The following RASA1 variants were observed in gnomAD, a reference collection of about 807,000 sequenced individuals.
RASA1 encodes RAS p21 protein activator 1, also known as ras GTPase-activating protein 1.
Under a neutral mutation model 132.2 loss-of-function variants are expected in RASA1, and 25 were observed. The ratio of observed to expected loss-of-function variants is 0.19; its 90% CI spans 0.14 to 0.26. The LOEUF (loss-of-function observed/expected upper bound fraction) is 0.26. Among genes scored for constraint, RASA1 ranks in the 10% least tolerant of loss-of-function variants. The pLI, the probability that RASA1 is intolerant of heterozygous loss-of-function variation, is 1.00. For synonymous variants in RASA1, 477 were observed against 449.9 expected, an observed-to-expected ratio of 1.06 and a Z score of -0.76; for missense variants, 964 against 1,299.2, an observed-to-expected ratio of 0.74 and a Z score of 3.97.
At chr5:87,356,383 A>AGTTTTTTTT (rs1554047341) in intron 9 of RASA1, among the ~76,000 whole-genome samples, 1 of 141,722 alleles carries the variant, frequency 7.1e-6, no homozygotes, top group Non-Finnish European at 1.6e-5. Flanking sequence ...GATGATTGTT[A>AGTTTTTTTT]TTTTTTTTTT....
chr5:87,314,070 G>C (rs1756129209), intron 1 of RASA1, among the ~76,000 whole-genome samples: 1 of 152,228 alleles, frequency 6.6e-6, no homozygotes, highest in African/African-American at 2.4e-5. Context: ...TCGGGAGGCT[G>C]AGGCAGGCAG....
intron 23 of RASA1, among the ~76,000 whole-genome samples, chr5:87,388,432 A>G (rs988009054): frequency 2.6e-5 from 4 of 152,188 alleles, no homozygotes; most frequent in African/African-American, 7.2e-5. Flanking sequence ...CTGAAATGCT[A>G]AAAAATCCAA....
rs566991753 is a variant in RASA1, at chr5:87,350,040, A to G, written c.1253+676A>G. Among the ~76,000 whole-genome samples, 8 of 151,992 alleles carry G rather than the reference A, an allele frequency of 5.3e-5. No individual in the cohort carries two copies. The South Asian group carries it at 1.7e-3, about 31-fold the overall frequency. ...TCAGAGGCTGGCATAATCTTGTTCTAAAATGCTTATATTTGCCTAGTTTAA... is the reference window on the plus strand; with the variant it reads ...TCAGAGGCTGGCATAATCTTGTTCTGAAATGCTTATATTTGCCTAGTTTAA... On this transcript the variant is annotated intron_variant, in intron 8 of 24. Coordinates refer to ENST00000274376, the MANE Select transcript of RASA1 (RefSeq NM_002890.3).
intron 24 of RASA1, among the ~76,000 whole-genome samples, chr5:87,389,941 T>C (rs1412369685): frequency 6.6e-6 from 1 of 152,226 alleles, no homozygotes; most frequent in East Asian, 1.9e-4. Context: ...TTTGGGATGT[T>C]TGTCAAATTT....
intron 9 of RASA1, among the ~76,000 whole-genome samples, chr5:87,361,964 T>G (rs1180706280): frequency 1.3e-5 from 2 of 151,898 alleles, no homozygotes; most frequent in African/African-American, 4.8e-5. Context: ...TGTTGCAGAG[T>G]GGCAGAGGAG....
In RASA1 at chr5:87,331,488, T is replaced by C. The variant is rs745790570; in HGVS notation, c.680T>C (p.Val227Ala). ...TCATTTCTTAGCCAGATGAATGTTG[T>C]CAACCATTTTAGGTAAGTCTTTATT... Reference protein sequence around the residue: ...VLSFLSQMNVVNHFRIIAMCG... With the variant: ...VLSFLSQMNVANHFRIIAMCG... Residue 227 changes from valine (V) to alanine (A), a missense_variant, in exon 2 of 25, where the codon GTC (valine) becomes GCC (alanine). This residue lies in a region of RASA1 where 154 missense variants were observed against 286.5 expected (regional missense o/e 0.54). Transcript: ENST00000274376. The C allele has an allele frequency of 3.1e-6, 5 of 1,613,834 alleles. No individual in the cohort carries two copies. The highest frequency in any genetic ancestry group is 3.4e-6 in the Non-Finnish European group (4 of 1,179,798).
At chr5:87,329,116 T>C (rs1049653968) in intron 1 of RASA1, among the ~76,000 whole-genome samples, 2 of 152,104 alleles carry the variant, frequency 1.3e-5, no homozygotes, top group East Asian at 1.9e-4. Flanking sequence ...AACTGACTTA[T>C]CCATTTTAAT....
At chr5:87,278,909 C>CTTTTTT (rs58122450) in intron 1 of RASA1, among the ~76,000 whole-genome samples, 5 of 83,990 alleles carry the variant, frequency 6.0e-5, no homozygotes, top group Non-Finnish European at 1.1e-4. Context: ...CTAATTTGTT[C>CTTTTTT]TTTTTTTTTT....
intron 2 of RASA1, among the ~76,000 whole-genome samples, 157 bp from the exon 3 acceptor site, chr5:87,332,350 C>T (rs1276586574): frequency 6.6e-6 from 1 of 151,922 alleles, no homozygotes; most frequent in Middle Eastern, 3.2e-3. Flanking sequence ...AAGTAATTTA[C>T]TGTGATGAAG....
rs754875609 is a variant in RASA1 at position 87,391,683 on chromosome 5, TTA to T, written c.*802_*803del. The T allele has an allele frequency of 1.5e-4, 34 of 233,012 alleles. No individual in the cohort carries two copies. Among genetic ancestry groups the T allele is most frequent in the Non-Finnish European group, 2.5e-4 (30 of 117,766 alleles). The allele number at this position is 233,012 out of a possible 1,614,324, so 14.4% of individuals were successfully genotyped here. On this transcript the variant is annotated 3_prime_UTR_variant, in exon 25 of 25. Coordinates refer to ENST00000274376, the MANE Select transcript of RASA1 (RefSeq NM_002890.3). ...CCATTTTATAGACTACCAATTTCTT[TTA>T]TGTTAACTAGAATGCTTTTGTTAAA...
chr5:87,354,894 T>G (rs1759538043), intron 9 of RASA1, among the ~76,000 whole-genome samples: 1 of 152,152 alleles, frequency 6.6e-6, no homozygotes, highest in African/African-American at 2.4e-5. Flanking sequence ...GATTGAAGAT[T>G]AAACCAGGGA....
intron 9 of RASA1, among the ~76,000 whole-genome samples, chr5:87,358,223 T>C (rs551689051): frequency 6.6e-6 from 1 of 152,268 alleles, no homozygotes; most frequent in South Asian, 2.1e-4. Flanking sequence ...GTTAACACTT[T>C]TTGAGGCAAG....
chr5:87,333,452 A>T, intron 4 of RASA1, 115 bp downstream of exon 4: 1 of 1,483,318 alleles, frequency 6.7e-7, no homozygotes, highest in Non-Finnish European at 9.1e-7. Flanking sequence ...CAGCAAGGTG[A>T]AAGAGCTTTT....
intron 14 of RASA1, among the ~76,000 whole-genome samples, 191 bp from the exon 15 acceptor site, chr5:87,374,649 G>A (rs1761196123): frequency 6.6e-6 from 1 of 151,350 alleles, no homozygotes; most frequent in Non-Finnish European, 1.5e-5. Flanking sequence ...AAAGATGGTA[G>A]GAAAAGTGTG....
intron 6 of RASA1, among the ~76,000 whole-genome samples, chr5:87,342,076 G>A (rs190688935): frequency 2.0e-5 from 3 of 151,894 alleles, no homozygotes; most frequent in Non-Finnish European, 4.4e-5. Context: ...GATTCCATTA[G>A]TGAGACTGTA....
chr5:87,381,276 G>C (rs1761695723), intron 20 of RASA1, among the ~76,000 whole-genome samples: 1 of 152,182 alleles, frequency 6.6e-6, no homozygotes, highest in African/African-American at 2.4e-5. Context: ...TGGTGGCTAA[G>C]GCAGAACTAA....
intron 8 of RASA1, 73 bp from the exon 9 acceptor site, chr5:87,353,084 A>C: frequency 1.6e-6 from 2 of 1,217,892 alleles, no homozygotes; most frequent in Non-Finnish European, 2.4e-6. Flanking sequence ...CTTGGCAAGA[A>C]AGTTTACACA....
intron 12 of RASA1, among the ~76,000 whole-genome samples, chr5:87,371,074 T>C (rs1760903840): frequency 6.6e-6 from 1 of 152,144 alleles, no homozygotes; most frequent in African/African-American, 2.4e-5. Context: ...AATTTAAACT[T>C]CAGTATCCTA....
chr5:87,378,262 C>T (rs1761457667), intron 17 of RASA1, 134 bp from the exon 18 acceptor site: 1 of 978,300 alleles, frequency 1.0e-6, no homozygotes, highest in Non-Finnish European at 1.6e-6. Flanking sequence ...GTAATTAGTA[C>T]TTTCAACGCT....
Sources: allele counts gnomAD v4.1 joint callset (sites outside exome capture counted in the v4.1 genomes callset), GRCh38; gene constraint gnomAD v4.1.1; regional missense constraint gnomAD v4.1.1; transcripts MANE v1.5; gene names NCBI Gene and HGNC (gene_info 2026-07-23, HGNC 2026-07-21).